FAM118A: variants seen among roughly 807,000 people sequenced by gnomAD.
FAM118A encodes the protein protein FAM118A.
FAM118A carries 25 observed loss-of-function variants against 38.2 expected under a neutral mutation model. That is an observed-to-expected ratio of 0.65 (90% CI 0.48 to 0.91). The LOEUF (loss-of-function observed/expected upper bound fraction) is 0.91, where lower values mean the gene tolerates loss of function less well. Ranked by LOEUF, FAM118A falls within the 40% of genes least tolerant of loss-of-function variation. The probability of loss-of-function intolerance (pLI) is 0.00; values close to 1 mark genes in which losing one functional copy is unlikely to be tolerated. For synonymous variants in FAM118A, 178 were observed against 184.1 expected, an observed-to-expected ratio of 0.97 and a Z score of 0.27; for missense variants, 425 against 463.3, an observed-to-expected ratio of 0.92 and a Z score of 0.76.
At chr22:45,319,835 A>T (rs1266771642) in intron 1 of FAM118A, among the ~76,000 whole-genome samples, 1 of 152,244 alleles carries the variant, frequency 6.6e-6, no homozygotes, top group Non-Finnish European at 1.5e-5. Flanking sequence ...GCCAAGCCCC[A>T]GCCCGGACTC....
chr22:45,318,355 T>G (rs1483302508), intron 1 of FAM118A: 1 of 152,130 alleles, frequency 6.6e-6, no homozygotes. Flanking sequence ...CCACACACCG[T>G]GGTGACGACA....
upstream of FAM118A, chr22:45,309,705 C>G (rs1028945693): frequency 6.6e-6 from 1 of 152,308 alleles, no homozygotes; most frequent in African/African-American, 2.4e-5. Context: ...AAGCCCTCCC[C>G]CGCACATCCG....
chr22:45,340,543 A>G lies in FAM118A; in HGVS notation c.*138A>G, dbSNP rs989733292. The G allele has an allele frequency of 2.0e-5, 21 of 1,039,518 alleles. No individual in the cohort carries two copies. Among genetic ancestry groups the G allele is most frequent in the Non-Finnish European group, 4.5e-6 (3 of 667,278 alleles). The allele number at this position is 1,039,518 out of a possible 1,614,324, so 64.4% of individuals were successfully genotyped here. A position where few individuals can be genotyped will look rare whatever the true frequency, so the allele number is the denominator to read the frequency against. On this transcript the variant is annotated 3_prime_UTR_variant, in exon 9 of 9. Transcript: ENST00000441876. ...CATACACCAAGAGAGCCACATGGGC[A>G]TGTGGCCCTCAAGGCTGGGTGAGAG...
chr22:45,314,559 T>A (rs2084522933), intron 1 of FAM118A, among the ~76,000 whole-genome samples: 1 of 152,230 alleles, frequency 6.6e-6, no homozygotes, highest in South Asian at 2.1e-4. Flanking sequence ...GTCTCAATTT[T>A]CACTTCTGAA....
intron 6 of FAM118A, among the ~76,000 whole-genome samples, chr22:45,334,684 C>T (rs2085961146): frequency 6.6e-6 from 1 of 152,176 alleles, no homozygotes; most frequent in African/African-American, 2.4e-5. Context: ...CTGGCACAGG[C>T]ACATAACGTG....
chr22:45,312,940 A>G (rs947177113), intron 1 of FAM118A, among the ~76,000 whole-genome samples: 1 of 152,070 alleles, frequency 6.6e-6, no homozygotes, highest in Non-Finnish European at 1.5e-5. Flanking sequence ...TAATTAAACC[A>G]TTGGCCTTTG....
At chr22:45,329,696 C>T (rs938046271) in intron 4 of FAM118A, 16 of 152,420 alleles carry the variant, frequency 1.0e-4, no homozygotes, top group African/African-American at 3.6e-4. Context: ...CCAAGGCACC[C>T]ACTCCTGCCG....
chr22:45,323,113 A>T, intron 2 of FAM118A, 62 bp from the exon 3 acceptor site: 1 of 1,588,252 alleles, frequency 6.3e-7, no homozygotes, highest in Non-Finnish European at 8.6e-7. Context: ...ACAGTTCCAG[A>T]CTTTGTGTTT....
At chr22:45,318,835 C>T (rs1230395402) in intron 1 of FAM118A, 1 of 152,098 alleles carries the variant, frequency 6.6e-6, no homozygotes, top group Non-Finnish European at 1.5e-5. Flanking sequence ...GGTTGGACTC[C>T]GTGTGGTTGT....
At chr22:45,325,936 G>T (rs2085232896) in intron 3 of FAM118A, among the ~76,000 whole-genome samples, 1 of 152,158 alleles carries the variant, frequency 6.6e-6, no homozygotes, top group South Asian at 2.1e-4. Context: ...TGATGGAGAT[G>T]TGGGGGTTGG....
intron 4 of FAM118A, chr22:45,328,640 A>G: frequency 1.7e-6 from 1 of 587,030 alleles, no homozygotes; most frequent in Non-Finnish European, 3.0e-6. Flanking sequence ...CTTAAAAAAA[A>G]AAAAGTAATA....
At chr22:45,313,917 G>A (rs1441142207) in intron 1 of FAM118A, among the ~76,000 whole-genome samples, 1 of 152,162 alleles carries the variant, frequency 6.6e-6, no homozygotes. Context: ...CACACATCTA[G>A]GGTGTAGTAG....
chr22:45,323,041 C>G lies in FAM118A; in HGVS notation c.48-134C>G, dbSNP rs1353542842. The stretch of plus-strand genomic sequence containing the variant: ...CGTCTCCCCACAGCGTCAGAGGGGA[C>G]TGTGTGTGTGTGTGTGTGTGTGTGT... On this transcript the variant is annotated intron_variant, in intron 2 of 8. Transcript: ENST00000441876. The G allele has an allele frequency of 2.4e-5, 16 of 659,786 alleles. No homozygotes were observed. In the South Asian group the frequency reaches 3.2e-4, roughly 13 times the overall value. The allele number at this position is 659,786 out of a possible 1,614,324, so 40.9% of individuals were successfully genotyped here.
At chr22:45,320,685 A>G (rs2084825166) in intron 1 of FAM118A, among the ~76,000 whole-genome samples, 2 of 152,144 alleles carry the variant, frequency 1.3e-5, no homozygotes, top group South Asian at 4.1e-4. Context: ...GGATCCTCCC[A>G]CCTCAGCCTC....
At position 45,332,203 on chromosome 22, in the gene FAM118A, G is replaced by T. The variant is rs186431331; in HGVS notation, c.652-222G>T. ...CCCTGGCTTAGCTGGGGACAGGCAG[G>T]CTCAGCCCAGCTTTGGTCTTTGCTG... On this transcript the variant is annotated intron_variant, in intron 5 of 8. Coordinates refer to ENST00000441876, the MANE Select transcript of FAM118A (RefSeq NM_017911.4). Among the ~76,000 whole-genome samples the T allele has an allele frequency of 2.1e-3, 313 of 152,292 alleles. 2 individuals carry two copies. The highest frequency in any genetic ancestry group is 7.4e-3 in the African/African-American group (306 of 41,556).
intron 6 of FAM118A, among the ~76,000 whole-genome samples, chr22:45,333,674 CAAAA>C (rs541613789): frequency 2.1e-5 from 2 of 93,576 alleles, no homozygotes; most frequent in African/African-American, 3.5e-5. Flanking sequence ...ACTCTGTTTC[CAAAA>C]AAAAAAAAAA....
chr22:45,340,153 T>A (rs1056930916), intron 8 of FAM118A, among the ~76,000 whole-genome samples: 1 of 152,204 alleles, frequency 6.6e-6, no homozygotes, highest in African/African-American at 2.4e-5. Context: ...GGATTGAGAT[T>A]CCCACAGATC....
intron 6 of FAM118A, among the ~76,000 whole-genome samples, chr22:45,332,927 G>A (rs556522450): frequency 2.6e-4 from 40 of 152,052 alleles, no homozygotes; most frequent in African/African-American, 9.4e-4. Flanking sequence ...ATTTTTAGTA[G>A]AGATAGGGTT....
chr22:45,328,482 A>G (rs1424233512), intron 4 of FAM118A: 1 of 843,630 alleles, frequency 1.2e-6, no homozygotes, highest in South Asian at 1.3e-5. Flanking sequence ...TTACTAATAA[A>G]GTAGCCAGGC....
Sources: gnomAD v4.1 joint callset for allele counts (sites outside exome capture counted in the v4.1 genomes callset) on GRCh38, gnomAD v4.1.1 for gene constraint, MANE v1.5 for transcripts, NCBI Gene and HGNC (gene_info 2026-07-23, HGNC 2026-07-21) for gene names.